ASIC2: variants seen among roughly 807,000 people sequenced by gnomAD.
ASIC2 encodes the protein acid sensing ion channel subunit 2.
In ASIC2, 25 loss-of-function variants were observed where a neutral mutation model predicts 57.3. The ratio of observed to expected loss-of-function variants is 0.44; its 90% CI spans 0.32 to 0.61. The LOEUF (loss-of-function observed/expected upper bound fraction) is 0.61, where lower values mean the gene tolerates loss of function less well. ASIC2 is among the 20% of genes least tolerant of loss of function. The pLI is 0.06. For missense variants in ASIC2, 641 were observed against 738.1 expected, an observed-to-expected ratio of 0.87 and a Z score of 1.52; for synonymous variants, 319 against 307.5, an observed-to-expected ratio of 1.04 and a Z score of -0.39.
chr17:33,988,116 T>C (rs1905882810), intron 1 of ASIC2, among the ~76,000 whole-genome samples: 1 of 152,124 alleles, frequency 6.6e-6, no homozygotes, highest in Admixed American at 6.6e-5. Context: ...ATAAGAGACC[T>C]GAGACAGAAT....
intron 1 of ASIC2, among the ~76,000 whole-genome samples, chr17:33,147,952 C>G (rs1470170584): frequency 6.6e-6 from 1 of 152,138 alleles, no homozygotes; most frequent in Non-Finnish European, 1.5e-5. Flanking sequence ...CCTGCAATAT[C>G]CAAGCAGGTG....
At chr17:33,749,697 G>A (rs762189468) in intron 1 of ASIC2, among the ~76,000 whole-genome samples, 4 of 152,050 alleles carry the variant, frequency 2.6e-5, no homozygotes, top group Non-Finnish European at 5.9e-5. Flanking sequence ...CTTACAGCTT[G>A]CCCCGGCCTG....
chr17:34,127,376 G>A (rs1911819117), intron 1 of ASIC2, among the ~76,000 whole-genome samples: 1 of 152,098 alleles, frequency 6.6e-6, no homozygotes, highest in Admixed American at 6.6e-5. Context: ...AAACAAGATG[G>A]TCTTGGGTTT....
intron 1 of ASIC2, among the ~76,000 whole-genome samples, chr17:33,252,560 T>C (rs1049695462): frequency 3.3e-5 from 5 of 152,044 alleles, no homozygotes; most frequent in African/African-American, 1.2e-4. Context: ...CCCCGAGCCA[T>C]AGGAAGGTGT....
intron 1 of ASIC2, among the ~76,000 whole-genome samples, chr17:33,189,305 A>C (rs1906322862): frequency 6.6e-6 from 1 of 152,182 alleles, no homozygotes; most frequent in African/African-American, 2.4e-5. Context: ...AACCACTAAA[A>C]CAGAAAGCGA....
chr17:33,386,596 C>T (rs1909686617), intron 1 of ASIC2, among the ~76,000 whole-genome samples: 1 of 152,170 alleles, frequency 6.6e-6, no homozygotes, highest in Non-Finnish European at 1.5e-5. Context: ...CATCCCTCAC[C>T]TGGACTCTAA....
At chr17:33,852,020 A>T (rs1165763318) in intron 1 of ASIC2, among the ~76,000 whole-genome samples, 2 of 152,248 alleles carry the variant, frequency 1.3e-5, no homozygotes. Flanking sequence ...CATTCCGTTC[A>T]GGCTGTACTC....
At chr17:33,883,304 A>T (rs1274802661) in intron 1 of ASIC2, among the ~76,000 whole-genome samples, 1 of 152,212 alleles carries the variant, frequency 6.6e-6, no homozygotes, top group East Asian at 1.9e-4. Flanking sequence ...AAACAGCCCC[A>T]AGTGGGTCAA....
intron 1 of ASIC2, among the ~76,000 whole-genome samples, chr17:34,047,032 T>C (rs934531179): frequency 6.6e-6 from 1 of 152,208 alleles, no homozygotes; most frequent in African/African-American, 2.4e-5. Context: ...GGACATACTA[T>C]TCCCATCTTT....
intron 1 of ASIC2, among the ~76,000 whole-genome samples, chr17:34,120,762 A>AGC (rs1441757040): frequency 8.6e-6 from 1 of 116,768 alleles, no homozygotes; most frequent in Admixed American, 1.1e-4. Flanking sequence ...TTTTTGAGAC[A>AGC]GAGTCTTGCT....
At chr17:33,095,084 T>C (rs2092172912) in intron 2 of ASIC2, among the ~76,000 whole-genome samples, 1 of 152,212 alleles carries the variant, frequency 6.6e-6, no homozygotes, top group Non-Finnish European at 1.5e-5. Flanking sequence ...AAATGAGCCA[T>C]TGCATGGAAA....
intron 1 of ASIC2, chr17:34,039,698 C>T: frequency 6.2e-7 from 1 of 1,612,272 alleles, no homozygotes; most frequent in Admixed American, 1.7e-5. Context: ...TTTCGCTGGT[C>T]ATTCTGCTTT....
intron 1 of ASIC2, among the ~76,000 whole-genome samples, chr17:34,095,609 A>ATATATATATATATATATATATATAATTT (rs1567818796): frequency 8.0e-5 from 9 of 112,622 alleles, no homozygotes; most frequent in South Asian, 2.4e-4. Context: ...GGCAAATTTT[A>ATATATATATATATATATATATATAATTT]TATATATATA....
intron 1 of ASIC2, among the ~76,000 whole-genome samples, chr17:33,239,509 T>A (rs1187839953): frequency 6.6e-6 from 1 of 152,208 alleles, no homozygotes; most frequent in Non-Finnish European, 1.5e-5. Flanking sequence ...GAATTTGTTT[T>A]TTGTCTCTTT....
intron 1 of ASIC2, among the ~76,000 whole-genome samples, chr17:33,819,012 A>G (rs550348989): frequency 1.3e-4 from 20 of 152,338 alleles, no homozygotes; most frequent in African/African-American, 4.1e-4. Flanking sequence ...GAGAAAAAGC[A>G]TCATGCTTGT....
At chr17:33,709,715 A>T (rs958061542) in intron 1 of ASIC2, among the ~76,000 whole-genome samples, 7 of 152,226 alleles carry the variant, frequency 4.6e-5, no homozygotes, top group African/African-American at 1.7e-4. Context: ...TAAGGGATTT[A>T]ATTTGCAGTA....
chr17:33,945,150 C>T (rs1904332848), intron 1 of ASIC2, among the ~76,000 whole-genome samples: 1 of 152,138 alleles, frequency 6.6e-6, no homozygotes, highest in Admixed American at 6.5e-5. Flanking sequence ...GCTGCTTTTC[C>T]AATGTGAAGT....
intron 1 of ASIC2, among the ~76,000 whole-genome samples, chr17:33,535,883 C>A (rs566972350): frequency 2.6e-5 from 4 of 152,166 alleles, no homozygotes; most frequent in South Asian, 2.1e-4. Flanking sequence ...GCTAATTGCA[C>A]GATGCATAAA....
At chr17:34,130,364 A>AG (rs1333118496) in intron 1 of ASIC2, among the ~76,000 whole-genome samples, 1 of 152,200 alleles carries the variant, frequency 6.6e-6, no homozygotes, top group African/African-American at 2.4e-5. Flanking sequence ...ATGGCTTACG[A>AG]GGAGATGCAA....
Sources: gnomAD v4.1 joint callset for allele counts (sites outside exome capture counted in the v4.1 genomes callset) on GRCh38, gnomAD v4.1.1 for gene constraint, MANE v1.5 for transcripts, NCBI Gene and HGNC (gene_info 2026-07-23, HGNC 2026-07-21) for gene names.